The following NUP107 variants were observed in gnomAD, a reference collection of about 807,000 sequenced individuals.
NUP107 encodes nucleoporin 107.
NUP107 carries 101 observed loss-of-function variants against 141.0 expected under a neutral mutation model. The ratio of observed to expected loss-of-function variants is 0.72; its 90% CI spans 0.61 to 0.84. NUP107 has a LOEUF of 0.84. NUP107 is among the 40% of genes least tolerant of loss of function. NUP107 has a pLI of 0.00. For synonymous variants in NUP107, 319 were observed against 363.9 expected, an observed-to-expected ratio of 0.88 and a Z score of 1.41; for missense variants, 941 against 1,102.7, an observed-to-expected ratio of 0.85 and a Z score of 2.08.
intron 11 of NUP107, among the ~76,000 whole-genome samples, chr12:68,715,354 C>T (rs577486620): frequency 4.6e-5 from 7 of 152,204 alleles, no homozygotes; most frequent in African/African-American, 1.2e-4. Flanking sequence ...ATTAGCTGGG[C>T]GTGGTGGCGT....
chr12:68,731,851 C>T, intron 22 of NUP107, 132 bp downstream of exon 22: 1 of 511,578 alleles, frequency 2.0e-6, no homozygotes, highest in South Asian at 3.6e-5. Flanking sequence ...TTTGTCAGCC[C>T]AGACCTTTTA....
rs1241135189 is a variant in NUP107 at position 68,726,623 on chromosome 12, T to C, written c.1695+6T>C. ...CTCTGGGACTACAGACCAAGGTATA[T>C]AAAAATGAACGATTTCTTCTTCTCT... On this transcript the variant is annotated splice_donor_region_variant and intron_variant, in intron 19 of 27. Transcript: ENST00000229179. 7 of 1,543,636 alleles carry C rather than the reference T, an allele frequency of 4.5e-6. No homozygotes were observed. The highest frequency in any genetic ancestry group is 6.3e-6 in the Non-Finnish European group (7 of 1,117,304).
Position 68,735,212 on chromosome 12 carries a change from C to T in NUP107, c.2389-19C>T. The T allele has an allele frequency of 6.8e-7, 1 of 1,478,522 alleles. No homozygotes were observed. Among genetic ancestry groups the T allele is most frequent in the Non-Finnish European group, 9.5e-7 (1 of 1,056,642 alleles). The allele number at this position is 1,478,522 out of a possible 1,614,324, so 91.6% of individuals were successfully genotyped here. ...TTGGGTTTTATCCATTATATGTCTGCCTTGTGTTTGTTTTGCAGATGGATT... is the reference window on the plus strand; with the variant it reads ...TTGGGTTTTATCCATTATATGTCTGTCTTGTGTTTGTTTTGCAGATGGATT... On this transcript the variant is annotated intron_variant, in intron 25 of 27. Coordinates refer to ENST00000229179, the MANE Select transcript of NUP107 (RefSeq NM_020401.4).
At position 68,690,930 on chromosome 12, in the gene NUP107, A is replaced by G. The variant is rs1177169211; in HGVS notation, c.303+184A>G. Among the ~76,000 whole-genome samples, 3 of 152,184 alleles carry G rather than the reference A, an allele frequency of 2.0e-5. No homozygotes were observed. In the East Asian group the frequency reaches 5.8e-4, roughly 29 times the overall value. ...CCCTGTCTCTACTAACAATAAAAAAATTAGCTGGGAGTGGTGGCTTATGCC... is the reference window on the plus strand; with the variant it reads ...CCCTGTCTCTACTAACAATAAAAAAGTTAGCTGGGAGTGGTGGCTTATGCC... On this transcript the variant is annotated intron_variant, in intron 4 of 27. Coordinates refer to ENST00000229179, the MANE Select transcript of NUP107 (RefSeq NM_020401.4).
Position 68,720,232 on chromosome 12 carries a change from A to G in NUP107, c.1251+578A>G, listed in dbSNP as rs185561064. ...ATAAAATGATAAAAAGTTAATAAAAATGGTAGCACAGTTTTACATCTGTCA... is the reference window on the plus strand; with the variant it reads ...ATAAAATGATAAAAAGTTAATAAAAGTGGTAGCACAGTTTTACATCTGTCA... On this transcript the variant is annotated intron_variant, in intron 14 of 27. Transcript: ENST00000229179. 4.1e-3 allele frequency among the ~76,000 whole-genome samples: 617 copies of G among 152,300 alleles called. 2 individuals carry two copies. The highest frequency in any genetic ancestry group is 6.0e-3 in the Non-Finnish European group (409 of 68,022).
intron 18 of NUP107, among the ~76,000 whole-genome samples, chr12:68,726,267 A>T (rs1877560308): frequency 1.3e-5 from 2 of 152,186 alleles, no homozygotes; most frequent in South Asian, 4.1e-4. Flanking sequence ...ACCTATTTGA[A>T]TGCAACTATT....
intron 20 of NUP107, among the ~76,000 whole-genome samples, chr12:68,730,214 CTTTTTTTT>C (rs756700880): frequency 4.7e-5 from 4 of 85,374 alleles, no homozygotes; most frequent in Admixed American, 1.8e-4. Context: ...GTGATACTAC[CTTTTTTTT>C]TTTTTTTTTT....
At chr12:68,700,670 T>C (rs949930253) in intron 6 of NUP107, 56 bp from the exon 7 acceptor site, 6 of 1,298,082 alleles carry the variant, frequency 4.6e-6, no homozygotes, top group Non-Finnish European at 6.2e-6. Flanking sequence ...TACAAACTTA[T>C]CAGTGACTCA....
At chr12:68,738,610 A>T (rs1878180102) in intron 26 of NUP107, among the ~76,000 whole-genome samples, 1 of 152,198 alleles carries the variant, frequency 6.6e-6, no homozygotes, top group Non-Finnish European at 1.5e-5. Flanking sequence ...CAATAGCCCT[A>T]GCATTATGTG....
chr12:68,691,948 CTTTTTTG>C lies in NUP107; in HGVS notation c.304-13_304-7del. 6.4e-7 allele frequency: 1 copy of C among 1,562,598 alleles called. No homozygotes were observed. The stretch of plus-strand genomic sequence containing the variant: ...ACTCCATCACTTTTCTGTATTTTTA[CTTTTTTG>C]TTTTTTTTTAAGGTTACTAATCTGG... On this transcript the variant is annotated splice_polypyrimidine_tract_variant and intron_variant, in intron 4 of 27. Coordinates refer to ENST00000229179, the MANE Select transcript of NUP107 (RefSeq NM_020401.4).
Position 68,689,573 on chromosome 12 carries a change from A to G in NUP107, c.141A>G (p.Pro47=), listed in dbSNP as rs376752075. 4.3e-6 allele frequency: 7 copies of G among 1,613,030 alleles called. No homozygotes were observed. In the African/African-American group the frequency reaches 9.3e-5, roughly 22 times the overall value. The part of the protein sequence containing the change: ...SQDENFGNTT[P]RNQVIPRTPS... ...ATGAAAATTTTGGTAATACTACACC[A>G]AGAAACCAGGTTATCCCTCGAACTC... Residue 47 remains proline (P), a synonymous_variant, in exon 3 of 28, where the codon CCA becomes CCG. Transcript: ENST00000229179.
In NUP107 at chr12:68,716,450, T is replaced by G. The variant is rs116966638; in HGVS notation, c.1083+710T>G. On this transcript the variant is annotated intron_variant, in intron 12 of 27. Coordinates refer to ENST00000229179, the MANE Select transcript of NUP107 (RefSeq NM_020401.4). ...CTTACTATGTTGTCCAGGCTGATCG[T>G]GAACACCTGGGCTCAAGTGATCTTC... Among the ~76,000 whole-genome samples, 76 of 151,060 alleles carry G rather than the reference T, an allele frequency of 5.0e-4. 1 individual carries two copies. In the East Asian group the frequency reaches 0.014, roughly 27 times the overall value.
chr12:68,706,373 T>A, intron 8 of NUP107: 1 of 1,357,670 alleles, frequency 7.4e-7, no homozygotes, highest in South Asian at 1.2e-5. Flanking sequence ...TGTGGTGCTG[T>A]CCATTGACAA....
chr12:68,693,871 A>C (rs1389102172), intron 5 of NUP107, among the ~76,000 whole-genome samples: 1 of 152,202 alleles, frequency 6.6e-6, no homozygotes, highest in Admixed American at 6.5e-5. Flanking sequence ...TTCTTAATCT[A>C]ACATTGTTGA....
chr12:68,709,409 A>G, intron 9 of NUP107, 100 bp downstream of exon 9: 8 of 643,778 alleles, frequency 1.2e-5, no homozygotes, highest in Non-Finnish European at 1.8e-5. Context: ...TGTTTTCTGA[A>G]TTTTTTTTCT....
At chr12:68,706,593 G>T in intron 8 of NUP107, 1 of 693,242 alleles carries the variant, frequency 1.4e-6, no homozygotes, top group South Asian at 1.5e-5. Context: ...GGATGAGATT[G>T]AGGGCCTCAA....
chr12:68,721,863 G>A lies in NUP107; in HGVS notation c.1334G>A (p.Trp445Ter). ...LKQLLPVCDT[W>*]EDTVWAYFRV... ...AAGCTGCTTCCTGTCTGTGACACCT[G>A]GGAAGACACAGTTTGGGCCTACTTC... The change falls in exon 16 of 28, where the codon TGG becomes TAG. Residue 445 changes from tryptophan (W) to a stop codon, truncating the protein, a stop_gained. Coordinates refer to ENST00000229179, the MANE Select transcript of NUP107 (RefSeq NM_020401.4). LOFTEE classifies it high-confidence loss of function. The A allele has an allele frequency of 1.2e-6, 2 of 1,613,868 alleles. No homozygotes were observed. The highest frequency in any genetic ancestry group is 1.7e-6 in the Non-Finnish European group (2 of 1,179,922).
At chr12:68,741,013 T>C (rs143277728) in intron 26 of NUP107, among the ~76,000 whole-genome samples, 169 of 151,324 alleles carry the variant, frequency 1.1e-3, no homozygotes, top group African/African-American at 3.5e-3. Context: ...ACCACTGCAT[T>C]CCAGACTGGG....
At chr12:68,724,193 AG>A (rs1877464128) in intron 17 of NUP107, among the ~76,000 whole-genome samples, 1 of 152,056 alleles carries the variant, frequency 6.6e-6, no homozygotes, top group South Asian at 2.1e-4. Flanking sequence ...AAAAGGATTT[AG>A]TACCCCCTCC....
Sources: gnomAD v4.1 joint callset for allele counts (sites outside exome capture counted in the v4.1 genomes callset) on GRCh38, gnomAD v4.1.1 for gene constraint, MANE v1.5 for transcripts, NCBI Gene and HGNC (gene_info 2026-07-23, HGNC 2026-07-21) for gene names.